The following MZT2B variants were observed in gnomAD, a reference collection of about 807,000 sequenced individuals.
MZT2B encodes the protein mitotic spindle organizing protein 2B, also known as mitotic-spindle organizing protein 2B.
Under a neutral mutation model 12.1 loss-of-function variants are expected in MZT2B, and 11 were observed. The ratio of observed to expected loss-of-function variants is 0.91; its 90% confidence interval spans 0.57 to 1.50. The LOEUF (loss-of-function observed/expected upper bound fraction) is 1.50, where lower values mean the gene tolerates loss of function less well. Among genes scored for constraint, MZT2B ranks in the 40% most tolerant of loss-of-function variants. The pLI is 0.00. For synonymous variants in MZT2B, 85 were observed against 109.5 expected, an observed-to-expected ratio of 0.78 and a Z score of 1.40; for missense variants, 209 against 227.7, an observed-to-expected ratio of 0.92 and a Z score of 0.53.
chr2:130,197,492 C>CAAAAAAAAAAAAAAAAAAAAAA, the MZT2B span, among the ~76,000 whole-genome samples: 1 of 44,412 alleles, frequency 2.3e-5, no homozygotes, highest in Non-Finnish European at 5.0e-5. Flanking sequence ...AGTGCTGTCT[C>CAAAAAAAAAAAAAAAAAAAAAA]AAAAAAAAAA....
chr2:130,182,871 A>G (rs1187712433), intron 2 of MZT2B, 96 bp downstream of exon 2: 7 of 1,470,530 alleles, frequency 4.8e-6, no homozygotes, highest in African/African-American at 2.8e-5. Context: ...CTGAGTGGCC[A>G]GGCCTGTCTG....
chr2:130,187,548 C>T (rs1690110441), intron 2 of MZT2B, among the ~76,000 whole-genome samples: 1 of 152,182 alleles, frequency 6.6e-6, no homozygotes, highest in Non-Finnish European at 1.5e-5. Context: ...TAGGAGGGCC[C>T]TCCAGGGACC....
chr2:130,200,742 A>T, the MZT2B span, among the ~76,000 whole-genome samples: 2 of 152,198 alleles, frequency 1.3e-5, no homozygotes, highest in Non-Finnish European at 2.9e-5. Context: ...TGGAACAGTC[A>T]CCTGATTCTT....
chr2:130,194,685 CTTGT>C (rs1403249984), downstream of MZT2B, among the ~76,000 whole-genome samples: 1 of 151,984 alleles, frequency 6.6e-6, no homozygotes, highest in Non-Finnish European at 1.5e-5. Context: ...TAAGTTTTTG[CTTGT>C]TTGTTTGAGA....
chr2:130,188,910 C>T (rs1573765811), intron 2 of MZT2B, among the ~76,000 whole-genome samples: 1 of 152,164 alleles, frequency 6.6e-6, no homozygotes, highest in Middle Eastern at 3.4e-3. Flanking sequence ...TGCATCTTTT[C>T]TCCAGGAATC....
At chr2:130,190,139 G>A (rs1200737649) in intron 2 of MZT2B, among the ~76,000 whole-genome samples, 2 of 152,190 alleles carry the variant, frequency 1.3e-5, no homozygotes, top group Non-Finnish European at 2.9e-5. Context: ...TGCTGACCAG[G>A]CTAGGTGTGG....
At chr2:130,184,493 G>T (rs1224597631) in intron 2 of MZT2B, 8 of 985,446 alleles carry the variant, frequency 8.1e-6, no homozygotes, top group Non-Finnish European at 7.2e-6. Context: ...CACTTTCCAG[G>T]TGTCAGCAGG....
intron 2 of MZT2B, chr2:130,183,730 G>A: frequency 6.4e-7 from 1 of 1,550,448 alleles, no homozygotes; most frequent in Non-Finnish European, 8.7e-7. Context: ...CTGCGTGCTG[G>A]CCTCTTCACT....
At chr2:130,187,187 C>CT (rs1321713694) in intron 2 of MZT2B, among the ~76,000 whole-genome samples, 4 of 151,518 alleles carry the variant, frequency 2.6e-5, no homozygotes, top group East Asian at 1.9e-4. Context: ...TTTTCTTTTA[C>CT]TTTTTATTTA....
At chr2:130,188,504 G>A (rs797016905) in intron 2 of MZT2B, among the ~76,000 whole-genome samples, 4 of 141,196 alleles carry the variant, frequency 2.8e-5, no homozygotes, top group African/African-American at 1.1e-4. Context: ...CCTTTTTCAC[G>A]AGTCACTGCT....
chr2:130,194,019 C>T, downstream of MZT2B: 10 of 1,614,172 alleles, frequency 6.2e-6, no homozygotes, highest in Non-Finnish European at 8.5e-6. Context: ...GCTGAGATGA[C>T]TGGGGCGTAG....
chr2:130,189,009 C>G (rs1690164850), intron 2 of MZT2B, among the ~76,000 whole-genome samples: 1 of 152,134 alleles, frequency 6.6e-6, no homozygotes, highest in Non-Finnish European at 1.5e-5. Flanking sequence ...TGGCTGAACC[C>G]TTGTCTGGAG....
At chr2:130,192,398 G>A (rs1244908114), downstream of MZT2B, among the ~76,000 whole-genome samples, 4 of 152,152 alleles carry the variant, frequency 2.6e-5, no homozygotes, top group African/African-American at 9.7e-5. Context: ...TAGGTGCCCA[G>A]GTGAAGACAG....
At chr2:130,190,750 T>G (rs554005053), downstream of MZT2B, 89 of 1,396,030 alleles carry the variant, frequency 6.4e-5, 1 homozygote, top group East Asian at 9.3e-4. Context: ...CGTTTTTTTT[T>G]TTTGTTTTTT....
At chr2:130,188,856 G>A (rs1255265506) in intron 2 of MZT2B, among the ~76,000 whole-genome samples, 1 of 150,666 alleles carries the variant, frequency 6.6e-6, no homozygotes, top group East Asian at 1.9e-4. Flanking sequence ...CAGGGTGACA[G>A]ATGGTGAAAC....
chr2:130,189,233 G>A (rs1427624669), intron 2 of MZT2B, among the ~76,000 whole-genome samples: 3 of 152,298 alleles, frequency 2.0e-5, no homozygotes, highest in Non-Finnish European at 2.9e-5. Flanking sequence ...ACCGCACTGA[G>A]GGGGTGGGGT....
At chr2:130,192,104 G>T (rs140400985), downstream of MZT2B, 13,591 of 1,601,332 alleles carry the variant, frequency 8.5e-3, 930 homozygotes, top group African/African-American at 0.15. Flanking sequence ...GGACCACTGT[G>T]GGGGGCTGGT....
chr2:130,184,922 T>G (rs373012794), intron 2 of MZT2B: 5 of 983,458 alleles, frequency 5.1e-6, no homozygotes, highest in South Asian at 4.7e-5. Flanking sequence ...CCCAGCACTT[T>G]GGGAAGTCAA....
chr2:130,184,162 C>T, intron 2 of MZT2B: 4 of 1,460,054 alleles, frequency 2.7e-6, no homozygotes, highest in South Asian at 2.8e-5. Context: ...CTCTAGACCC[C>T]ACAGTCGGGC....
Sources: gnomAD v4.1 joint callset for allele counts (sites outside exome capture counted in the v4.1 genomes callset) on GRCh38, gnomAD v4.1.1 for gene constraint, MANE v1.5 for transcripts, NCBI Gene and HGNC (gene_info 2026-07-23, HGNC 2026-07-21) for gene names.